The following RHBDD1 variants were observed in gnomAD, a reference collection of about 807,000 sequenced individuals.
RHBDD1 encodes rhomboid domain containing 1.
Under a neutral mutation model 36.3 loss-of-function variants are expected in RHBDD1, and 38 were observed. That is an observed-to-expected ratio of 1.05 (90% confidence interval 0.81 to 1.37). The LOEUF (loss-of-function observed/expected upper bound fraction) is 1.37, where lower values mean the gene tolerates loss of function less well. RHBDD1 is among the 40% of genes most tolerant of loss of function. The pLI is 0.00. For missense variants in RHBDD1, 393 were observed against 377.6 expected, an observed-to-expected ratio of 1.04 and a Z score of -0.34; for synonymous variants, 151 against 136.5, an observed-to-expected ratio of 1.11 and a Z score of -0.74.
At chr2:226,862,722 T>C (rs1943965356) in intron 3 of RHBDD1, among the ~76,000 whole-genome samples, 1 of 152,206 alleles carries the variant, frequency 6.6e-6, no homozygotes, top group Non-Finnish European at 1.5e-5. Context: ...TACCTGAGTC[T>C]GAGTAATTTA....
At chr2:226,881,775 A>G (rs1422599714) in intron 5 of RHBDD1, among the ~76,000 whole-genome samples, 1 of 152,214 alleles carries the variant, frequency 6.6e-6, no homozygotes, top group East Asian at 1.9e-4. Context: ...TTTGATATGT[A>G]TTAATAACAA....
intron 8 of RHBDD1, among the ~76,000 whole-genome samples, chr2:226,924,892 A>G (rs1443261281): frequency 6.6e-6 from 1 of 152,180 alleles, no homozygotes; most frequent in Non-Finnish European, 1.5e-5. Flanking sequence ...GGCATTGGCA[A>G]TTCAAGACTA....
intron 3 of RHBDD1, among the ~76,000 whole-genome samples, chr2:226,855,015 T>C (rs530344432): frequency 6.6e-6 from 1 of 152,382 alleles, no homozygotes; most frequent in East Asian, 1.9e-4. Context: ...TTTAGTGGTC[T>C]TAAATCCCAA....
chr2:226,972,859 C>A (rs1162293587), intron 8 of RHBDD1, among the ~76,000 whole-genome samples: 3 of 150,550 alleles, frequency 2.0e-5, no homozygotes, highest in Non-Finnish European at 4.4e-5. Flanking sequence ...ACACAAGTTA[C>A]CACATGTATT....
chr2:226,881,131 C>G (rs1945690315), intron 5 of RHBDD1, among the ~76,000 whole-genome samples: 1 of 151,968 alleles, frequency 6.6e-6, no homozygotes, highest in African/African-American at 2.4e-5. Flanking sequence ...GGAAGAGCCC[C>G]TTATGAAACC....
At chr2:226,995,185 T>C (rs1055734516) in intron 8 of RHBDD1, among the ~76,000 whole-genome samples, 2 of 151,792 alleles carry the variant, frequency 1.3e-5, no homozygotes, top group Non-Finnish European at 2.9e-5. Context: ...AAAATACAAG[T>C]GGGAAGATTA....
intron 3 of RHBDD1, among the ~76,000 whole-genome samples, chr2:226,850,437 TA>T (rs1439814580): frequency 2.0e-5 from 3 of 152,190 alleles, no homozygotes; most frequent in African/African-American, 4.8e-5. Flanking sequence ...GGTTTCATTT[TA>T]TTTTTTTTTA....
chr2:226,960,735 A>G (rs545568125), intron 8 of RHBDD1, among the ~76,000 whole-genome samples: 1 of 152,312 alleles, frequency 6.6e-6, no homozygotes, highest in Admixed American at 6.5e-5. Context: ...ATATTCAGAA[A>G]TAAGATGTTT....
chr2:226,839,179 C>T (rs1228202797), intron 2 of RHBDD1, among the ~76,000 whole-genome samples: 7 of 152,040 alleles, frequency 4.6e-5, no homozygotes, highest in Non-Finnish European at 8.8e-5. Flanking sequence ...GCAGAAAATA[C>T]TTGACTCACA....
At chr2:226,818,152 A>ATTTTTTTTT in the RHBDD1 span, among the ~76,000 whole-genome samples, 1 of 86,244 alleles carries the variant, frequency 1.2e-5, no homozygotes, top group Non-Finnish European at 2.2e-5. Flanking sequence ...TCCAAACAGT[A>ATTTTTTTTT]TTTTTTTTTT....
At chr2:226,993,339 C>G (rs575363179) in intron 8 of RHBDD1, among the ~76,000 whole-genome samples, 2 of 152,330 alleles carry the variant, frequency 1.3e-5, no homozygotes, top group South Asian at 4.1e-4. Context: ...GCTTCTGACT[C>G]TGCCCTCAGC....
intron 8 of RHBDD1, among the ~76,000 whole-genome samples, chr2:226,938,735 A>G (rs866952340): frequency 9.2e-5 from 14 of 151,494 alleles, no homozygotes; most frequent in African/African-American, 3.4e-4. Flanking sequence ...CTATTACAAA[A>G]AAATGAAAGA....
intron 8 of RHBDD1, among the ~76,000 whole-genome samples, chr2:226,990,907 G>T (rs1177912900): frequency 6.6e-6 from 1 of 152,164 alleles, no homozygotes; most frequent in Admixed American, 6.5e-5. Flanking sequence ...CTTTGGAGCA[G>T]GGCCGTTTCA....
the RHBDD1 span, among the ~76,000 whole-genome samples, chr2:226,810,085 A>T: frequency 6.6e-6 from 1 of 152,150 alleles, no homozygotes; most frequent in African/African-American, 2.4e-5. Context: ...AGGAGTGGCA[A>T]CTCCACAAAG....
the RHBDD1 span, among the ~76,000 whole-genome samples, chr2:226,812,582 A>G: frequency 6.6e-6 from 1 of 152,336 alleles, no homozygotes; most frequent in East Asian, 1.9e-4. Context: ...CCATTATGGA[A>G]CAATCCCCAT....
chr2:226,931,451 A>G (rs1950026691), intron 8 of RHBDD1, among the ~76,000 whole-genome samples: 1 of 151,996 alleles, frequency 6.6e-6, no homozygotes, highest in Admixed American at 6.6e-5. Flanking sequence ...GAGTATGCAA[A>G]GACATACAGA....
chr2:226,878,392 A>G (rs558128113), intron 5 of RHBDD1, among the ~76,000 whole-genome samples: 2 of 152,338 alleles, frequency 1.3e-5, no homozygotes, highest in East Asian at 3.9e-4. Flanking sequence ...CCACTCAGCC[A>G]TTAAGAGGTG....
rs193154684 is a variant in RHBDD1 at position 226,940,490 on chromosome 2, A to G, written c.856+26139A>G. 2.5e-3 allele frequency among the ~76,000 whole-genome samples: 380 copies of G among 152,270 alleles called. 4 individuals are homozygous for G. Among genetic ancestry groups the G allele is most frequent in the Non-Finnish European group, 1.3e-3 (87 of 68,018 alleles). On this transcript the variant is annotated intron_variant, in intron 8 of 8. Transcript: ENST00000392062. ...GTATAACTGCCATTTAAGTCTTGGG[A>G]AGGGATATATTACTAAGATCATTTG...
At chr2:226,968,727 G>C (rs1012379482) in intron 8 of RHBDD1, among the ~76,000 whole-genome samples, 8 of 152,220 alleles carry the variant, frequency 5.3e-5, no homozygotes, top group South Asian at 2.1e-4. Context: ...TGGCATTCTA[G>C]AGGGGGTGAC....
Sources: allele counts gnomAD v4.1 joint callset (sites outside exome capture counted in the v4.1 genomes callset), GRCh38; gene constraint gnomAD v4.1.1; transcripts MANE v1.5; gene names NCBI Gene and HGNC (gene_info 2026-07-23, HGNC 2026-07-21).